The following LRTM3 variants were observed in gnomAD, a reference collection of about 807,000 sequenced individuals.
LRTM3 encodes the protein leucine-rich repeat transmembrane protein 3.
the LRTM3 span, chr13:102,738,841 G>A: frequency 6.5e-7 from 1 of 1,550,244 alleles, no homozygotes; most frequent in Non-Finnish European, 8.7e-7. Context: ...TTTCTTTGAT[G>A]TTCAACTCTA....
the LRTM3 span, chr13:102,749,706 T>C: frequency 6.4e-7 from 1 of 1,551,460 alleles, no homozygotes; most frequent in Non-Finnish European, 8.7e-7. Flanking sequence ...TCAGGCTGGC[T>C]CTTAATTGAT....
the LRTM3 span, chr13:102,737,401 T>C: frequency 7.4e-5 from 115 of 1,550,838 alleles, no homozygotes; most frequent in Non-Finnish European, 9.5e-5. Context: ...AAGGCAAATG[T>C]AGGAAGAGAA....
chr13:102,753,203 C>G, the LRTM3 span, among the ~76,000 whole-genome samples: 2 of 152,096 alleles, frequency 1.3e-5, no homozygotes, highest in Admixed American at 1.3e-4. Flanking sequence ...CCATCATTCT[C>G]ACCAAACTAA....
chr13:102,730,413 T>C, the LRTM3 span: 4 of 1,550,758 alleles, frequency 2.6e-6, no homozygotes, highest in Non-Finnish European at 3.5e-6. Context: ...GAAATCTGAG[T>C]TTCACATGAA....
chr13:102,747,676 C>T, the LRTM3 span: 1 of 1,551,158 alleles, frequency 6.4e-7, no homozygotes, highest in Admixed American at 2.0e-5. Context: ...AGTTCTCTGG[C>T]ATTGTAAGTG....
chr13:102,729,902 C>T, the LRTM3 span: 3 of 1,551,952 alleles, frequency 1.9e-6, no homozygotes, highest in South Asian at 1.2e-5. Context: ...GTGAGACTTG[C>T]CTTGGTTTTT....
chr13:102,748,658 T>C, the LRTM3 span: 1 of 1,550,596 alleles, frequency 6.4e-7, no homozygotes, highest in East Asian at 2.4e-5. Context: ...AATATGGAGA[T>C]CAAATGGTTT....
chr13:102,747,293 C>T, the LRTM3 span: 8 of 1,548,886 alleles, frequency 5.2e-6, no homozygotes, highest in Admixed American at 1.6e-4. Context: ...CAGAAGCATA[C>T]CTGCTGCAAT....
chr13:102,749,101 T>G, the LRTM3 span: 2 of 1,549,692 alleles, frequency 1.3e-6, no homozygotes, highest in African/African-American at 1.4e-5. Flanking sequence ...TATCTTTCCT[T>G]TCATGTAATT....
At chr13:102,736,000 C>T in the LRTM3 span, 1 of 1,549,920 alleles carries the variant, frequency 6.5e-7, no homozygotes. Context: ...TCAAATGTAT[C>T]CTTTTGGGGA....
the LRTM3 span, chr13:102,729,417 C>CG: frequency 1.8e-5 from 25 of 1,391,540 alleles, no homozygotes; most frequent in East Asian, 6.1e-4. Context: ...TAGCGACCAG[C>CG]TGTCCACTTC....
the LRTM3 span, chr13:102,738,664 A>G: frequency 9.7e-6 from 15 of 1,550,558 alleles, no homozygotes; most frequent in South Asian, 1.2e-5. Context: ...TTTTCTCTGT[A>G]TCTGATGACT....
chr13:102,731,395 C>G, the LRTM3 span: 2 of 1,551,450 alleles, frequency 1.3e-6, no homozygotes, highest in Non-Finnish European at 1.7e-6. Flanking sequence ...TCCTTGCCAT[C>G]TCTGGTATCA....
At chr13:102,755,901 A>ATGTGTGTGTGTGTGTGTG in the LRTM3 span, among the ~76,000 whole-genome samples, 3 of 98,840 alleles carry the variant, frequency 3.0e-5, no homozygotes, top group African/African-American at 7.0e-5. Context: ...ACACATATAT[A>ATGTGTGTGTGTGTGTGTG]TGTGTGTGTG....
chr13:102,742,934 C>T, the LRTM3 span: 3 of 1,548,824 alleles, frequency 1.9e-6, no homozygotes, highest in Non-Finnish European at 2.6e-6. Context: ...TTTCTCCATC[C>T]TTGCGAGCCC....
chr13:102,734,316 G>T, the LRTM3 span: 3 of 1,551,214 alleles, frequency 1.9e-6, no homozygotes, highest in African/African-American at 4.1e-5. Context: ...GGCATTAGTG[G>T]AAGTACAAAG....
chr13:102,736,077 T>C, the LRTM3 span: 1 of 1,541,368 alleles, frequency 6.5e-7, no homozygotes, highest in Non-Finnish European at 8.8e-7. Flanking sequence ...ATTTGTTGGT[T>C]TGCTTTTAGT....
the LRTM3 span, chr13:102,747,853 A>G: frequency 6.4e-4 from 1,000 of 1,551,084 alleles, 3 homozygotes; most frequent in Middle Eastern, 2.2e-3. Flanking sequence ...GGGCTTTACT[A>G]CTTCCTGAAC....
the LRTM3 span, chr13:102,733,628 T>A: frequency 1.3e-6 from 2 of 1,551,360 alleles, no homozygotes; most frequent in Non-Finnish European, 1.7e-6. Context: ...AGTTTCTGTT[T>A]TGTATTTTAC....
Sources: gnomAD v4.1 joint callset for allele counts (sites outside exome capture counted in the v4.1 genomes callset) on GRCh38, gnomAD v4.1.1 for gene constraint, MANE v1.5 for transcripts, NCBI Gene and HGNC (gene_info 2026-07-23, HGNC 2026-07-21) for gene names.